The following SAMD3 variants were observed in gnomAD, a reference collection of about 807,000 sequenced individuals.
SAMD3 encodes sterile alpha motif domain-containing protein 3.
In SAMD3, 63 loss-of-function variants were observed where a neutral mutation model predicts 58.5. The observed-to-expected ratio is 1.08, with a 90% CI of 0.88 to 1.33. SAMD3 has a LOEUF of 1.33. SAMD3 is among the 40% of genes most tolerant of loss of function. The pLI is 0.00. For missense variants in SAMD3, 604 were observed against 608.4 expected, an observed-to-expected ratio of 0.99 and a Z score of 0.08; for synonymous variants, 220 against 210.3, an observed-to-expected ratio of 1.05 and a Z score of -0.40.
At chr6:130,190,191 C>T (rs1291420572) in intron 5 of SAMD3, among the ~76,000 whole-genome samples, 1 of 152,096 alleles carries the variant, frequency 6.6e-6, no homozygotes, top group Admixed American at 6.5e-5. Context: ...CTGAGTTTTC[C>T]ACGTGAGTCC....
At chr6:130,301,905 A>G (rs1775760725) in intron 2 of SAMD3, among the ~76,000 whole-genome samples, 1 of 152,208 alleles carries the variant, frequency 6.6e-6, no homozygotes, top group Non-Finnish European at 1.5e-5. Context: ...ACACAGAAGA[A>G]TGAAACTGGA....
intron 8 of SAMD3, among the ~76,000 whole-genome samples, chr6:130,168,028 G>A (rs9492468): frequency 0.78 from 119,394 of 152,140 alleles, 47,816 homozygotes; most frequent in East Asian, 0.98. Context: ...AAATGGCAAA[G>A]AGAATGCAGT....
intron 1 of SAMD3, among the ~76,000 whole-genome samples, chr6:130,341,709 T>C (rs903938821): frequency 6.6e-6 from 1 of 152,118 alleles, no homozygotes; most frequent in East Asian, 1.9e-4. Flanking sequence ...GCAGCACTTA[T>C]GAGTGGGAGG....
chr6:130,145,929 T>G, intron 10 of SAMD3, 81 bp downstream of exon 10: 2 of 814,292 alleles, frequency 2.5e-6, no homozygotes, highest in South Asian at 5.0e-5. Context: ...TACTGAATTT[T>G]ACTGACTACC....
Position 130,346,469 on chromosome 6 carries a change from C to T in SAMD3, c.-304+18651G>A, listed in dbSNP as rs751693522. Among the ~76,000 whole-genome samples the T allele has an allele frequency of 5.9e-5, 9 of 152,182 alleles. No homozygotes were observed. The South Asian group carries it at 6.2e-4, about 11-fold the overall frequency. On this transcript the variant is annotated intron_variant, in intron 1 of 13. Coordinates refer to the SAMD3 transcript ENST00000368134. ...GGTCCTATGCCCACGGAGCCTCGCT[C>T]ATTGCTAGCACACCAGTCTGACATC... is the stretch of plus-strand genomic sequence containing the variant.
At chr6:130,223,907 C>T (rs1796308462), upstream of SAMD3, among the ~76,000 whole-genome samples, 1 of 152,170 alleles carries the variant, frequency 6.6e-6, no homozygotes, top group South Asian at 2.1e-4. Context: ...AGATCCTCTG[C>T]CTTATCGCAA....
chr6:130,299,150 A>G (rs1328673811), intron 2 of SAMD3, among the ~76,000 whole-genome samples: 1 of 152,154 alleles, frequency 6.6e-6, no homozygotes, highest in Non-Finnish European at 1.5e-5. Context: ...CCACAATCAC[A>G]TAATATAATT....
intron 1 of SAMD3, among the ~76,000 whole-genome samples, chr6:130,359,490 T>C (rs1220758707): frequency 1.3e-5 from 2 of 152,220 alleles, no homozygotes; most frequent in Non-Finnish European, 2.9e-5. Flanking sequence ...CCTTTTGAAG[T>C]CTCTGCATCT....
chr6:130,155,061 G>A (rs759867872), intron 8 of SAMD3, 36 bp from the exon 9 acceptor site: 17 of 1,565,440 alleles, frequency 1.1e-5, no homozygotes, highest in East Asian at 2.3e-5. Flanking sequence ...TGGATTCCAT[G>A]TTTCTATAAA....
chr6:130,226,089 A>G (rs1796376106), upstream of SAMD3, among the ~76,000 whole-genome samples: 1 of 152,194 alleles, frequency 6.6e-6, no homozygotes. Context: ...CGCTTTTCCC[A>G]GGAAGGGGTA....
At chr6:130,180,603 C>T (rs1183259185) in intron 7 of SAMD3, among the ~76,000 whole-genome samples, 1 of 152,186 alleles carries the variant, frequency 6.6e-6, no homozygotes, top group African/African-American at 2.4e-5. Flanking sequence ...TGTTGCTCCT[C>T]TCCCTCCCCT....
chr6:130,237,598 C>A (rs985197587), intron 2 of SAMD3, among the ~76,000 whole-genome samples: 1 of 152,032 alleles, frequency 6.6e-6, no homozygotes, highest in Non-Finnish European at 1.5e-5. Context: ...TTATTGATTG[C>A]TGGATACTTC....
intron 2 of SAMD3, among the ~76,000 whole-genome samples, chr6:130,256,941 T>C (rs540283798): frequency 2.0e-4 from 30 of 152,214 alleles, no homozygotes; most frequent in Non-Finnish European, 3.4e-4. Flanking sequence ...TTGGAAATAG[T>C]TGCTGTGTAA....
Position 130,184,131 on chromosome 6 carries a change from G to C in SAMD3, c.626C>G (p.Pro209Arg), listed in dbSNP as rs547076728. The C allele has an allele frequency of 6.2e-7, 1 of 1,613,982 alleles. No individual in the cohort carries two copies. Among genetic ancestry groups the C allele is most frequent in the South Asian group, 1.1e-5 (1 of 91,052 alleles). Residue 209 changes from proline (P) to arginine (R), a missense_variant, in exon 7 of 12, where the codon CCT (proline) becomes CGT (arginine). Transcript: ENST00000439090. ...GCCACAGCCATCCTCATCCAGGAAA[G>C]GGTGGGCCTGCAGCAGGGCATTAAC... ...DVVNALLQAH[P>R]FLDEDGCGFF...
In SAMD3 at chr6:130,325,322, G is replaced by A. The variant is rs147072181; in HGVS notation, c.-303-12229C>T. On this transcript the variant is annotated intron_variant, in intron 1 of 13. Coordinates refer to the SAMD3 transcript ENST00000368134. ...TGAGGACAAAAGACCTGCGAACCTC[G>A]TGAGCTGTTCCTGCTGCAAACTCCA... Among the ~76,000 whole-genome samples the A allele has an allele frequency of 2.6e-3, 399 of 152,258 alleles. 3 individuals are homozygous for A. The highest frequency in any genetic ancestry group is 9.1e-3 in the African/African-American group (378 of 41,552).
intron 3 of SAMD3, among the ~76,000 whole-genome samples, 171 bp downstream of exon 3, chr6:130,215,024 G>A (rs1430341828): frequency 6.6e-6 from 1 of 152,138 alleles, no homozygotes; most frequent in Non-Finnish European, 1.5e-5. Context: ...ACTTTCAAGT[G>A]GAAACTCTGC....
chr6:130,261,453 T>C (rs1226495690), intron 2 of SAMD3, among the ~76,000 whole-genome samples: 1 of 152,208 alleles, frequency 6.6e-6, no homozygotes, highest in Non-Finnish European at 1.5e-5. Flanking sequence ...CTTTGGTTTT[T>C]GTTTTTGACT....
At chr6:130,235,733 GTATAATATATGGTTT>G (rs1773126411) in intron 2 of SAMD3, among the ~76,000 whole-genome samples, 1 of 152,012 alleles carries the variant, frequency 6.6e-6, no homozygotes, top group African/African-American at 2.4e-5. Flanking sequence ...AAACGAGTAA[GTATAATATATGGTTT>G]TATGTTCAAA....
Position 130,324,417 on chromosome 6 carries a change from T to C in SAMD3, c.-303-11324A>G, listed in dbSNP as rs528501197. Among the ~76,000 whole-genome samples, 185 of 152,368 alleles carry C rather than the reference T, an allele frequency of 1.2e-3. 1 individual carries two copies. The highest frequency in any genetic ancestry group is 4.3e-3 in the African/African-American group (177 of 41,592). Reference sequence around the variant, plus strand: ...AAGAAATGTTTGTGAAGAATATTCTTGACAGTCTATATTTTTCATATGGTT... The same window carrying C: ...AAGAAATGTTTGTGAAGAATATTCTCGACAGTCTATATTTTTCATATGGTT... On this transcript the variant is annotated intron_variant, in intron 1 of 13. Transcript: ENST00000368134.
Sources: allele counts gnomAD v4.1 joint callset (sites outside exome capture counted in the v4.1 genomes callset), GRCh38; gene constraint gnomAD v4.1.1; transcripts MANE v1.5; gene names NCBI Gene and HGNC (gene_info 2026-07-23, HGNC 2026-07-21).